Variants in GALNT9 observed in about 807,000 individuals in gnomAD.
GALNT9 encodes GalNAc transferase 9.
In GALNT9, 47 loss-of-function variants were observed where a neutral mutation model predicts 63.1. That is an observed-to-expected ratio of 0.75 (90% CI 0.59 to 0.95). GALNT9 has a LOEUF of 0.95. Among genes scored for constraint, GALNT9 ranks in the 40% least tolerant of loss-of-function variants. The pLI is 0.00. For synonymous variants in GALNT9, 396 were observed against 365.7 expected (o/e 1.08, Z -0.94); for missense variants, 829 against 874.8 (o/e 0.95, Z 0.66).
In GALNT9 at chr12:132,286,656, G is replaced by C. The variant is rs1880606404; in HGVS notation, c.239-226C>G. On this transcript the variant is annotated intron_variant, in intron 1 of 10. Transcript: ENST00000328957. This position sits in a 1 kb window ranked among gnomAD's most constrained non-coding sequence, Gnocchi z 7.4. ...CGGAAGAGGGAGGGATGAATGGGTG[G>C]TACATGAGGCGTTGAAGGCAGTGGA... Among the ~76,000 whole-genome samples the C allele has an allele frequency of 6.6e-6, 1 of 152,200 alleles. No individual in the cohort carries two copies. Among genetic ancestry groups the C allele is most frequent in the African/African-American group, 2.4e-5 (1 of 41,458 alleles).
At chr12:132,254,052 G>A (rs556716438) in intron 5 of GALNT9, among the ~76,000 whole-genome samples, 69 of 148,142 alleles carry the variant, frequency 4.7e-4, no homozygotes, top group South Asian at 1.1e-3. Context: ...ACTGAATTTC[G>A]CTCTCGTTGC....
chr12:132,221,114 C>T (rs28645727), intron 6 of GALNT9, among the ~76,000 whole-genome samples: 6 of 137,750 alleles, frequency 4.4e-5, no homozygotes, highest in Admixed American at 7.6e-5. Context: ...CCAGCACTTT[C>T]GGAGGCCAAG....
In GALNT9 at chr12:132,315,459, G is replaced by C. The variant is rs1170868041; in HGVS notation, c.238+13507C>G. On this transcript the variant is annotated intron_variant, in intron 1 of 10. Coordinates refer to ENST00000328957, the MANE Select transcript of GALNT9 (RefSeq NM_001122636.2). The surrounding 1 kb of genome is among the most constrained non-coding windows in gnomAD (Gnocchi z 6.1). ...AATAGTGTGAAAATAGCCCCTTGCA[G>C]AATTCAGACCCCGTCTGTTCTTTTC... 6.6e-6 allele frequency among the ~76,000 whole-genome samples: 1 copy of C among 152,240 alleles called. No homozygotes were observed. The highest frequency in any genetic ancestry group is 1.5e-5 in the Non-Finnish European group (1 of 68,052).
At chr12:132,257,491 C>A (rs1348236454) in intron 5 of GALNT9, among the ~76,000 whole-genome samples, 198 bp downstream of exon 5, 1 of 127,966 alleles carries the variant, frequency 7.8e-6, no homozygotes, top group African/African-American at 3.0e-5. Flanking sequence ...CCCCGGCCCT[C>A]GTCCTCATGC....
intron 4 of GALNT9, 62 bp downstream of exon 4, chr12:132,260,886 A>T: frequency 6.9e-7 from 1 of 1,454,616 alleles, no homozygotes; most frequent in South Asian, 1.4e-5. Flanking sequence ...ACGGCGGCTT[A>T]GGAGGGGGAT....
chr12:132,268,184 T>C (rs1879726097), intron 2 of GALNT9, among the ~76,000 whole-genome samples: 1 of 143,302 alleles, frequency 7.0e-6, no homozygotes, highest in East Asian at 2.1e-4. Flanking sequence ...CCCATACATG[T>C]ACTCACACAC....
In GALNT9 at chr12:132,201,238, G is replaced by C. The variant is rs369565545; in HGVS notation, c.1287C>G (p.Asp429Glu). Residue 429 changes from aspartate (D) to glutamate (E), a missense_variant, in exon 8 of 11, where the codon GAC becomes GAG. Physicochemically the swap from Asp to Glu is conservative, Grantham distance 45. Transcript: ENST00000328957. ...GACGCAGGGCCAGCCTCTCAGACAC[G>C]TCCCCGAAGTCCACCCCTGGGTTCT... is the stretch of plus-strand genomic sequence containing the variant. ...PMSNPGVDFG[D>E]VSERLALRQR... 3 of 1,612,990 alleles carry C rather than the reference G, an allele frequency of 1.9e-6. No homozygotes were observed. Among genetic ancestry groups the C allele is most frequent in the Non-Finnish European group, 2.5e-6 (3 of 1,179,160 alleles).
intron 6 of GALNT9, among the ~76,000 whole-genome samples, chr12:132,243,524 C>G (rs1878555208): frequency 6.6e-6 from 1 of 152,194 alleles, no homozygotes; most frequent in South Asian, 2.1e-4. Flanking sequence ...GTAGGGGCAG[C>G]TCTGGTGTTG....
Position 132,203,596 on chromosome 12 carries a change from T to C in GALNT9, c.1172A>G (p.Tyr391Cys), listed in dbSNP as rs1371540443. ...TRKPYNNDID[Y>C]YAKRNALRAA... Reference sequence around the variant, plus strand: ...GCGCAGGGCGTTGCGCTTGGCATAGTAGTCAATGTCGTTGTTGTAGGGCTT... The same window carrying C: ...GCGCAGGGCGTTGCGCTTGGCATAGCAGTCAATGTCGTTGTTGTAGGGCTT... The change falls in exon 7 of 11, where the codon TAC becomes TGC. Residue 391 changes from tyrosine (Y) to cysteine (C), a missense_variant. Physicochemically the swap from Tyr to Cys is radical, Grantham distance 194 (BLOSUM62 -2). Transcript: ENST00000328957. The C allele has an allele frequency of 6.2e-7, 1 of 1,613,924 alleles. No individual in the cohort carries two copies. Among genetic ancestry groups the C allele is most frequent in the East Asian group, 2.2e-5 (1 of 44,868 alleles).
At chr12:132,209,557 CA>C (rs1020243337) in intron 6 of GALNT9, among the ~76,000 whole-genome samples, 52 of 152,066 alleles carry the variant, frequency 3.4e-4, no homozygotes, top group African/African-American at 1.2e-3. Flanking sequence ...CTCAAACAAA[CA>C]AACAGGTTCC....
At chr12:132,225,807 C>G in intron 6 of GALNT9, among the ~76,000 whole-genome samples, 1 of 148,596 alleles carries the variant, frequency 6.7e-6, no homozygotes, top group South Asian at 2.2e-4. Context: ...AACCCACACC[C>G]CACTGTACAT....
rs60438827 is a variant in GALNT9 at position 132,282,015 on chromosome 12, T to TG, written c.419+4234dup. Among the ~76,000 whole-genome samples, 2 of 133,250 alleles carry TG rather than the reference T, an allele frequency of 1.5e-5. No homozygotes were observed. The highest frequency in any genetic ancestry group is 6.1e-5 in the African/African-American group (2 of 32,742). 87.4% of individuals were successfully genotyped at this position (133,250 alleles called of 152,430 possible). A position where few individuals can be genotyped will look rare whatever the true frequency, so the allele number is the denominator to read the frequency against. On this transcript the variant is annotated intron_variant, in intron 2 of 10. Transcript: ENST00000328957. The surrounding 1 kb of genome is among the most constrained non-coding windows in gnomAD (Gnocchi z 4.5). ...AGCTCCACTGCAGCAAGGCCAGGCC[T>TG]GGGGGTCCCCGATCCCACAGAGGAG... is the stretch of plus-strand genomic sequence containing the variant.
rs1400906858 is a variant in GALNT9, at chr12:132,252,919, G to A, written c.959+4770C>T. ...AGACACGGAGACCAGTAGTGGCCCC[G>A]AACGGCTGGGTGCGCTGATATTTAT... is the stretch of plus-strand genomic sequence containing the variant. On this transcript the variant is annotated intron_variant, in intron 5 of 10. Transcript: ENST00000328957. This position sits in a 1 kb window ranked among gnomAD's most constrained non-coding sequence, Gnocchi z 5.2. 1.3e-5 allele frequency among the ~76,000 whole-genome samples: 2 copies of A among 151,502 alleles called. No individual in the cohort carries two copies. Among genetic ancestry groups the A allele is most frequent in the African/African-American group, 2.4e-5 (1 of 41,266 alleles).
chr12:132,221,031 T>A, intron 6 of GALNT9, among the ~76,000 whole-genome samples: 1 of 115,512 alleles, frequency 8.7e-6, no homozygotes. Flanking sequence ...CACTCCAGCC[T>A]GGTGAGAGTG....
intron 2 of GALNT9, among the ~76,000 whole-genome samples, chr12:132,271,335 C>A (rs2135551107): frequency 6.6e-6 from 1 of 152,178 alleles, no homozygotes; most frequent in East Asian, 1.9e-4. Context: ...CCGCCCGGCT[C>A]CCACCCGTCA....
chr12:132,223,326 C>A (rs1877550006), intron 6 of GALNT9, among the ~76,000 whole-genome samples: 1 of 7,990 alleles, frequency 1.3e-4, no homozygotes. Flanking sequence ...CACATACACC[C>A]CACACACCCA....
At chr12:132,241,127 C>A (rs1878311151) in intron 6 of GALNT9, among the ~76,000 whole-genome samples, 1 of 125,318 alleles carries the variant, frequency 8.0e-6, no homozygotes, top group African/African-American at 3.1e-5. Context: ...AACACACACC[C>A]TTCCAGGGGC....
chr12:132,276,079 G>A (rs781913929), intron 2 of GALNT9, among the ~76,000 whole-genome samples: 7 of 152,228 alleles, frequency 4.6e-5, no homozygotes, highest in Non-Finnish European at 8.8e-5. Context: ...TCAGCTTTCC[G>A]GTTGGCTTCC....
chr12:132,237,482 C>T (rs184936070), intron 6 of GALNT9, among the ~76,000 whole-genome samples: 109 of 152,200 alleles, frequency 7.2e-4, no homozygotes, highest in African/African-American at 2.3e-3. Flanking sequence ...TACCTGTTTA[C>T]ACCTGCACAC....
Sources: gnomAD v4.1 joint callset for allele counts (sites outside exome capture counted in the v4.1 genomes callset) on GRCh38, gnomAD v4.1.1 for gene constraint, Gnocchi (gnomAD v3.1) non-coding constraint, MANE v1.5 for transcripts, NCBI Gene and HGNC (gene_info 2026-07-23, HGNC 2026-07-21) for gene names.